Variants in CALN1 observed in about 807,000 individuals in gnomAD.
CALN1 encodes calneuron 1.
Under a neutral mutation model 30.6 loss-of-function variants are expected in CALN1, and 17 were observed. That is an observed-to-expected ratio of 0.56 (90% CI 0.38 to 0.83). CALN1 has a LOEUF of 0.83. Among genes scored for constraint, CALN1 ranks in the 40% least tolerant of loss-of-function variants. CALN1 has a pLI of 0.00. For synonymous variants in CALN1, 156 were observed against 131.4 expected (o/e 1.19, Z -1.28); for missense variants, 291 against 354.9 (o/e 0.82, Z 1.45).
At chr7:72,127,021 T>C (rs1808814807) in intron 3 of CALN1, among the ~76,000 whole-genome samples, 1 of 151,952 alleles carries the variant, frequency 6.6e-6, no homozygotes, top group Admixed American at 6.5e-5. Context: ...AACCCGTTCC[T>C]TGGGCCTCCA....
chr7:72,373,569 G>A lies in CALN1; in HGVS notation c.119+29682C>T, dbSNP rs556842218. ...TTATTATAAAATAGGCTTGTGTTAGGTGATTTTTCCCAACTATAGGCTAAT... is the reference window on the plus strand; with the variant it reads ...TTATTATAAAATAGGCTTGTGTTAGATGATTTTTCCCAACTATAGGCTAAT... On this transcript the variant is annotated intron_variant, in intron 2 of 6. Coordinates refer to ENST00000395275, the MANE Select transcript of CALN1 (RefSeq NM_031468.4). Among the ~76,000 whole-genome samples the A allele has an allele frequency of 8.5e-5, 13 of 152,270 alleles. No individual in the cohort carries two copies. In the South Asian group the frequency reaches 2.3e-3, roughly 27 times the overall value.
chr7:72,494,057 G>A, the CALN1 span, among the ~76,000 whole-genome samples: 1 of 152,148 alleles, frequency 6.6e-6, no homozygotes, highest in Admixed American at 6.6e-5. Flanking sequence ...TGGGCATGGT[G>A]GTGCATGCCT....
At chr7:72,316,190 A>G (rs1800434487) in intron 2 of CALN1, among the ~76,000 whole-genome samples, 1 of 152,082 alleles carries the variant, frequency 6.6e-6, no homozygotes, top group South Asian at 2.1e-4. Flanking sequence ...CCTTAAAAAA[A>G]TACTTACAGA....
intron 5 of CALN1, among the ~76,000 whole-genome samples, chr7:71,976,994 C>A (rs773707919): frequency 3.9e-4 from 60 of 152,164 alleles, no homozygotes; most frequent in Non-Finnish European, 5.9e-4. Context: ...TCCACCCGAA[C>A]CTTTTCTAAT....
In CALN1 at chr7:71,782,226, ATGAATGACTCG is replaced by A. The variant is rs1261164432; in HGVS notation, c.*5538_*5548del. On this transcript the variant is annotated 3_prime_UTR_variant, in exon 7 of 7. Transcript: ENST00000395275. ...TTTGGGTCATAGGGACAGATTCCTC[ATGAATGACTCG>A]GTGCCCTCCCTGTAGTAATGAGTGA... is the stretch of plus-strand genomic sequence containing the variant. 9.2e-5 allele frequency: 14 copies of A among 152,202 alleles called. No individual in the cohort carries two copies. 9.4% of individuals were successfully genotyped at this position (152,202 alleles called of 1,614,324 possible).
intron 3 of CALN1, among the ~76,000 whole-genome samples, chr7:72,262,986 T>C (rs1292759853): frequency 6.6e-6 from 1 of 152,216 alleles, no homozygotes; most frequent in Non-Finnish European, 1.5e-5. Flanking sequence ...CCTCTCCAGT[T>C]AGAGGCATTT....
At chr7:71,901,231 C>G (rs1793829183) in intron 5 of CALN1, among the ~76,000 whole-genome samples, 1 of 151,990 alleles carries the variant, frequency 6.6e-6, no homozygotes, top group Non-Finnish European at 1.5e-5. Context: ...AAGATCCTTA[C>G]AAGAAAAACA....
At position 72,229,125 on chromosome 7, in the gene CALN1, G is replaced by T. The variant is rs553857423; in HGVS notation, c.244+49561C>A. Among the ~76,000 whole-genome samples, 13 of 151,882 alleles carry T rather than the reference G, an allele frequency of 8.6e-5. No individual in the cohort carries two copies. The South Asian group carries it at 1.9e-3, about 22-fold the overall frequency. ...ATACAATCAGGGAAAAGGGAAAAACGAACATGGAAGAAAAGCTGGGTGCTG... is the reference window on the plus strand; with the variant it reads ...ATACAATCAGGGAAAAGGGAAAAACTAACATGGAAGAAAAGCTGGGTGCTG... On this transcript the variant is annotated intron_variant, in intron 3 of 6. Transcript: ENST00000395275.
At chr7:71,896,323 T>G (rs1203439199) in intron 5 of CALN1, among the ~76,000 whole-genome samples, 2 of 152,118 alleles carry the variant, frequency 1.3e-5, no homozygotes, top group African/African-American at 4.8e-5. Flanking sequence ...TCACCAAATA[T>G]CATCTCTCTT....
intron 4 of CALN1, among the ~76,000 whole-genome samples, chr7:72,027,795 C>G (rs1366794714): frequency 1.3e-5 from 2 of 150,336 alleles, no homozygotes; most frequent in Non-Finnish European, 3.0e-5. Context: ...CGGTGGCTCA[C>G]GCCTGTAATC....
At chr7:72,483,280 C>CTTTTTTTTT in the CALN1 span, among the ~76,000 whole-genome samples, 2 of 100,114 alleles carry the variant, frequency 2.0e-5, no homozygotes, top group Non-Finnish European at 4.2e-5. Flanking sequence ...TTTTCTTTTT[C>CTTTTTTTTT]TTTTTTTTTT....
chr7:72,126,693 G>T (rs1808788972), intron 3 of CALN1, among the ~76,000 whole-genome samples: 1 of 151,610 alleles, frequency 6.6e-6, no homozygotes, highest in Non-Finnish European at 1.5e-5. Flanking sequence ...ACACTTAGAA[G>T]TGAGAACATA....
chr7:71,950,984 GC>G (rs1461676513), intron 5 of CALN1, among the ~76,000 whole-genome samples: 1 of 152,052 alleles, frequency 6.6e-6, no homozygotes, highest in African/African-American at 2.4e-5. Flanking sequence ...TCCTGAATAG[GC>G]CCCCGTCTAT....
intron 1 of CALN1, among the ~76,000 whole-genome samples, chr7:72,408,805 G>A (rs554424710): frequency 2.1e-5 from 3 of 146,242 alleles, no homozygotes; most frequent in South Asian, 2.2e-4. Context: ...AGTCCCCTCA[G>A]TAGCTGGGAC....
intron 4 of CALN1, among the ~76,000 whole-genome samples, chr7:72,093,082 C>G (rs192263567): frequency 6.6e-6 from 1 of 152,156 alleles, no homozygotes; most frequent in East Asian, 1.9e-4. Context: ...AAGTACGCAG[C>G]CTGCAAAGGG....
intron 2 of CALN1, among the ~76,000 whole-genome samples, chr7:72,330,646 T>C (rs532329051): frequency 1.3e-5 from 2 of 152,230 alleles, no homozygotes; most frequent in African/African-American, 4.8e-5. Context: ...CCCCAGTACC[T>C]GAACCAGAGA....
intron 3 of CALN1, among the ~76,000 whole-genome samples, chr7:72,133,185 A>T (rs1008120019): frequency 6.6e-6 from 1 of 152,182 alleles, no homozygotes; most frequent in African/African-American, 2.4e-5. Flanking sequence ...CTACACAATG[A>T]CTAAAAATAA....
intron 5 of CALN1, among the ~76,000 whole-genome samples, chr7:71,953,678 A>T (rs947381602): frequency 6.6e-6 from 1 of 152,108 alleles, no homozygotes; most frequent in African/African-American, 2.4e-5. Context: ...AGAAATAAAT[A>T]TTTACTGAGT....
intron 2 of CALN1, 77 bp downstream of exon 2, chr7:72,403,174 T>G: frequency 8.6e-7 from 1 of 1,158,484 alleles, no homozygotes; most frequent in Non-Finnish European, 1.2e-6. Flanking sequence ...CGGCAAAGCC[T>G]CCTGGACCCC....
Sources: allele counts gnomAD v4.1 joint callset (sites outside exome capture counted in the v4.1 genomes callset), GRCh38; gene constraint gnomAD v4.1.1; transcripts MANE v1.5; gene names NCBI Gene and HGNC (gene_info 2026-07-23, HGNC 2026-07-21).